Variants in PCDHGA4 observed in about 807,000 individuals in gnomAD.
PCDHGA4 encodes protocadherin gamma subfamily A, 4, also known as protocadherin gamma-A4.
In PCDHGA4, 38 loss-of-function variants were observed where a neutral mutation model predicts 54.6. The ratio of observed to expected loss-of-function variants is 0.70; its 90% CI spans 0.54 to 0.91. PCDHGA4 has a LOEUF of 0.91. PCDHGA4 is among the 40% of genes least tolerant of loss of function. PCDHGA4 has a pLI of 0.00. For synonymous variants in PCDHGA4, 511 were observed against 512.9 expected, an observed-to-expected ratio of 1.00 and a Z score of 0.05; for missense variants, 1,298 against 1,220.9, an observed-to-expected ratio of 1.06 and a Z score of -0.94.
At chr5:141,467,064 T>C (rs1289790911) in intron 1 of PCDHGA4, among the ~76,000 whole-genome samples, 2 of 151,724 alleles carry the variant, frequency 1.3e-5, no homozygotes, top group Middle Eastern at 3.2e-3. Context: ...TCTTTTTTTT[T>C]TTTTTTTAGA....
At chr5:141,408,747 T>C (rs1589683971) in intron 1 of PCDHGA4, 1 of 1,609,868 alleles carries the variant, frequency 6.2e-7, no homozygotes, top group Non-Finnish European at 8.5e-7. Flanking sequence ...TCATTAATGG[T>C]TAGAGTTAAT....
chr5:141,388,289 A>T (rs1463991755), intron 1 of PCDHGA4: 14 of 1,613,522 alleles, frequency 8.7e-6, no homozygotes, highest in Non-Finnish European at 1.2e-5. Flanking sequence ...AATTCACGCA[A>T]AATTCCTTTG....
Position 141,503,989 on chromosome 5 carries a change from C to T in PCDHGA4, c.2574-1404C>T, listed in dbSNP as rs534696225. Among the ~76,000 whole-genome samples the T allele has an allele frequency of 2.6e-5, 4 of 152,312 alleles. No individual in the cohort carries two copies. The South Asian group carries it at 8.3e-4, about 32-fold the overall frequency. On this transcript the variant is annotated intron_variant, in intron 2 of 3. Transcript: ENST00000571252. ...CATGGTGCCAAACCCTTCTTCTTAC[C>T]TTACAGTCACTTAACTGTCTCTGCT...
intron 1 of PCDHGA4, among the ~76,000 whole-genome samples, chr5:141,453,176 C>A (rs1225418058): frequency 6.6e-6 from 1 of 152,042 alleles, no homozygotes; most frequent in African/African-American, 2.4e-5. Flanking sequence ...TCCAGTGGTA[C>A]AATCACAGCT....
chr5:141,383,951 C>G lies in PCDHGA4; in HGVS notation c.2514+26330C>G, dbSNP rs1365918560. 5 of 1,613,676 alleles carry G rather than the reference C, an allele frequency of 3.1e-6. No homozygotes were observed. In the African/African-American group the frequency reaches 6.7e-5, roughly 22 times the overall value. On this transcript the variant is annotated intron_variant, in intron 1 of 3. Transcript: ENST00000571252. ...AATGCTCCAGAAGTGACTATGACGT[C>G]TTTAAGTAGCTCAATCCCTGAAGAC...
chr5:141,418,236 T>C, intron 1 of PCDHGA4: 8 of 1,614,030 alleles, frequency 5.0e-6, no homozygotes, highest in Non-Finnish European at 6.8e-6. Flanking sequence ...ATTGAGGATG[T>C]TAATGACCAC....
At chr5:141,389,578 TG>T (rs1314978831) in intron 1 of PCDHGA4, 1 of 1,613,236 alleles carries the variant, frequency 6.2e-7, no homozygotes, top group South Asian at 1.1e-5. Context: ...TACCCCGCGC[TG>T]GGTCCCGACG....
intron 1 of PCDHGA4, chr5:141,373,906 A>G: frequency 1.7e-6 from 1 of 604,222 alleles, no homozygotes; most frequent in Admixed American, 3.7e-5. Context: ...ACATCCTCCA[A>G]CAACAAAGCA....
At chr5:141,371,720 C>G in intron 1 of PCDHGA4, 1 of 1,614,070 alleles carries the variant, frequency 6.2e-7, no homozygotes. Flanking sequence ...CTCTGCACAT[C>G]CTTGATGTCA....
intron 1 of PCDHGA4, chr5:141,383,286 C>T (rs373163257): frequency 4.3e-6 from 7 of 1,613,770 alleles, no homozygotes; most frequent in African/African-American, 1.3e-5. Flanking sequence ...TTAATGACAA[C>T]GTTCCAAGAT....
rs551458033 is a variant in PCDHGA4 at position 141,361,995 on chromosome 5, G to C, written c.2514+4374G>C. The C allele has an allele frequency of 8.7e-6, 14 of 1,603,208 alleles. No individual in the cohort carries two copies. The East Asian group carries it at 2.5e-4, about 28-fold the overall frequency. On this transcript the variant is annotated intron_variant, in intron 1 of 3. Coordinates refer to ENST00000571252, the MANE Select transcript of PCDHGA4 (RefSeq NM_018917.4). ...GCGAGCCCGGGCTCTTCAGCCTGGG[G>C]TTGCGCACGGGTGAGGTGCGCACAG... is the stretch of plus-strand genomic sequence containing the variant.
chr5:141,389,457 G>A, intron 1 of PCDHGA4: 1 of 1,613,220 alleles, frequency 6.2e-7, no homozygotes, highest in Non-Finnish European at 8.5e-7. Context: ...GCAGCTGCGC[G>A]CCTTCGAACT....
chr5:141,480,730 G>A (rs1261461187), intron 1 of PCDHGA4, among the ~76,000 whole-genome samples: 1 of 152,168 alleles, frequency 6.6e-6, no homozygotes, highest in East Asian at 1.9e-4. Flanking sequence ...GTCTCTGGGG[G>A]TGGGACATAG....
intron 1 of PCDHGA4, chr5:141,422,314 C>T: frequency 6.5e-7 from 1 of 1,547,838 alleles, no homozygotes; most frequent in Non-Finnish European, 8.7e-7. Context: ...AAACTCTCCT[C>T]CAGGTACAGT....
chr5:141,392,280 G>A (rs1299678398), intron 1 of PCDHGA4: 3 of 152,190 alleles, frequency 2.0e-5, no homozygotes, highest in African/African-American at 7.2e-5. Context: ...AAAGCTTAGA[G>A]CACAATGGGA....
At chr5:141,400,191 A>G (rs781032596) in intron 1 of PCDHGA4, 2 of 1,613,970 alleles carry the variant, frequency 1.2e-6, no homozygotes, top group Non-Finnish European at 1.7e-6. Context: ...AGTTTTACCT[A>G]GTGGTGGCCT....
Position 141,356,306 on chromosome 5 carries a change from T to G in PCDHGA4, c.1199T>G (p.Phe400Cys). 2 of 1,554,168 alleles carry G rather than the reference T, an allele frequency of 1.3e-6. No homozygotes were observed. The highest frequency in any genetic ancestry group is 1.7e-6 in the Non-Finnish European group (2 of 1,148,150). Residue 400 changes from phenylalanine to cysteine, a missense_variant, in exon 1 of 4, where the codon TTC becomes TGC. Phe to Cys is a radical substitution (Grantham distance 205). Coordinates refer to ENST00000571252, the MANE Select transcript of PCDHGA4 (RefSeq NM_018917.4). The stretch of plus-strand genomic sequence containing the variant: ...TCCCCGGGTACAGTAATTGCACTTT[T>G]CAACGTGCATGACAGTGACTCAGGA... ...SSSPGTVIAL[F>C]NVHDSDSGGN...
In PCDHGA4 at chr5:141,355,471, G is replaced by C. The variant is rs1316340611; in HGVS notation, c.364G>C (p.Asp122His). 1.9e-6 allele frequency: 3 copies of C among 1,614,102 alleles called. No homozygotes were observed. Among genetic ancestry groups the C allele is most frequent in the East Asian group, 2.2e-5 (1 of 44,890 alleles). Residue 122 changes from aspartate to histidine, a missense_variant, in exon 1 of 4, where the codon GAC becomes CAC. Physicochemically the swap from Asp to His is moderately conservative, Grantham distance 81 (BLOSUM62 -1). Coordinates refer to ENST00000571252, the MANE Select transcript of PCDHGA4 (RefSeq NM_018917.4). Reference sequence around the variant, plus strand: ...CACCTTGGTCACCGCGGGTAGGATAGACAGGGAGGAGCTCTGCGACAGATC... The same window carrying C: ...CACCTTGGTCACCGCGGGTAGGATACACAGGGAGGAGCTCTGCGACAGATC... ...SGTLVTAGRI[D>H]REELCDRSPN...
At chr5:141,464,480 A>T (rs1013894368) in intron 1 of PCDHGA4, among the ~76,000 whole-genome samples, 4 of 151,864 alleles carry the variant, frequency 2.6e-5, no homozygotes, top group African/African-American at 7.3e-5. Flanking sequence ...CGTATAATAA[A>T]TTCCTAATAG....
Sources: gnomAD v4.1 joint callset for allele counts (sites outside exome capture counted in the v4.1 genomes callset) on GRCh38, gnomAD v4.1.1 for gene constraint, MANE v1.5 for transcripts, NCBI Gene and HGNC (gene_info 2026-07-23, HGNC 2026-07-21) for gene names.